The following SPRY3 variants were observed in gnomAD, a reference collection of about 807,000 sequenced individuals.
The protein encoded by SPRY3 is sprouty RTK signaling antagonist 3.
Under a neutral mutation model 20.2 loss-of-function variants are expected in SPRY3, and 15 were observed. The observed-to-expected ratio is 0.74, with a 90% CI of 0.50 to 1.14. SPRY3 has a LOEUF of 1.14. Among genes scored for constraint, SPRY3 ranks in the 50% most tolerant of loss-of-function variants. The pLI, the probability that SPRY3 is intolerant of heterozygous loss-of-function variation, is 0.00. For missense variants in SPRY3, 364 were observed against 363.9 expected (o/e 1.00, Z 0.00); for synonymous variants, 143 against 136.5 (o/e 1.05, Z -0.33).
At chrX:155,638,792 C>T (rs1331234304) in intron 1 of SPRY3, among the ~76,000 whole-genome samples, 1 of 111,361 alleles carries the variant, frequency 9.0e-6, no homozygotes. Flanking sequence ...TTCACCCTAC[C>T]CTATGTTCCA....
intron 3 of SPRY3, among the ~76,000 whole-genome samples, chrX:155,770,266 GCT>G (rs1333593208): frequency 6.6e-6 from 1 of 152,106 alleles, no homozygotes; most frequent in Non-Finnish European, 1.5e-5. Flanking sequence ...GCATAGAAGG[GCT>G]TTAGATAGGA....
chrX:155,752,548 T>C (rs58176487), intron 2 of SPRY3, among the ~76,000 whole-genome samples: 9,104 of 151,664 alleles, frequency 0.06, 827 homozygotes, highest in African/African-American at 0.2. Flanking sequence ...TATTTAAATG[T>C]ATCTATTAAG....
At chrX:155,723,107 T>C (rs777024773) in intron 2 of SPRY3, among the ~76,000 whole-genome samples, 6 of 152,320 alleles carry the variant, frequency 3.9e-5, no homozygotes, top group Non-Finnish European at 7.4e-5. Context: ...GAAAAGGACA[T>C]GAACTCATCC....
chrX:155,685,249 A>C (rs2068084033), intron 2 of SPRY3, among the ~76,000 whole-genome samples: 1 of 111,330 alleles, frequency 9.0e-6, no homozygotes, highest in African/African-American at 3.3e-5. Flanking sequence ...TTATTGTTCC[A>C]CAGGTCTCTG....
chrX:155,629,720 C>A (rs1182978969), intron 1 of SPRY3, among the ~76,000 whole-genome samples: 1 of 111,900 alleles, frequency 8.9e-6, no homozygotes, highest in Non-Finnish European at 1.9e-5. Context: ...GAGGTGGTAT[C>A]TCATTGTGGT....
chrX:155,628,670 C>T (rs1225731689), intron 1 of SPRY3, among the ~76,000 whole-genome samples: 1 of 112,168 alleles, frequency 8.9e-6, no homozygotes, highest in Non-Finnish European at 1.9e-5. Context: ...GGTCAAGAAA[C>T]AACAGATGCT....
exon 4 of SPRY3, chrX:155,775,169 G>T (rs1372738428): frequency 4.7e-6 from 1 of 210,782 alleles, no homozygotes; most frequent in Admixed American, 5.2e-5. Flanking sequence ...GTGGAACAGC[G>T]TTCAACCTTC....
intron 2 of SPRY3, among the ~76,000 whole-genome samples, chrX:155,749,093 T>G (rs2091245065): frequency 6.6e-6 from 1 of 151,914 alleles, no homozygotes; most frequent in African/African-American, 2.4e-5. Context: ...AATACATAAT[T>G]AAATACCTTG....
intron 3 of SPRY3, among the ~76,000 whole-genome samples, chrX:155,768,549 G>C (rs969766515): frequency 2.6e-5 from 4 of 152,178 alleles, no homozygotes; most frequent in Non-Finnish European, 4.4e-5. Flanking sequence ...TGTCAGCATG[G>C]GGCTAGCCTC....
At chrX:155,771,190 T>G (rs1222596608) in intron 3 of SPRY3, among the ~76,000 whole-genome samples, 2 of 152,150 alleles carry the variant, frequency 1.3e-5, no homozygotes, top group African/African-American at 4.8e-5. Context: ...GAATCAATAT[T>G]GAAATACAGC....
intron 2 of SPRY3, among the ~76,000 whole-genome samples, chrX:155,675,094 A>G (rs782814382): frequency 2.8e-4 from 31 of 111,961 alleles, no homozygotes; most frequent in Non-Finnish European, 5.3e-4. Context: ...ATGTTTCAAT[A>G]TAATGTTTGA....
In SPRY3 at chrX:155,620,261, A is replaced by C. The variant is rs781875873; in HGVS notation, c.-441+7614A>C. The stretch of plus-strand genomic sequence containing the variant: ...TAAGATTCTTAGTTAAACACACTTT[A>C]TAAGATTCTTAGTTAAACACACTTT... On this transcript the variant is annotated intron_variant, in intron 1 of 3. Transcript: ENST00000675360. Among the ~76,000 whole-genome samples, 5 of 111,480 alleles carry C rather than the reference A, an allele frequency of 4.5e-5. No homozygotes were observed. In the East Asian group the frequency reaches 1.1e-3, roughly 25 times the overall value.
chrX:155,754,649 A>C (rs1051443810), intron 2 of SPRY3, among the ~76,000 whole-genome samples: 1 of 151,982 alleles, frequency 6.6e-6, no homozygotes, highest in African/African-American at 2.4e-5. Flanking sequence ...GGACTTTGAT[A>C]GGGATTATGT....
At chrX:155,717,442 GGT>G (rs2091030781) in intron 2 of SPRY3, among the ~76,000 whole-genome samples, 1 of 152,008 alleles carries the variant, frequency 6.6e-6, no homozygotes. Context: ...AGAACATGCA[GGT>G]TTGTTACATA....
At chrX:155,714,696 G>A (rs1360340821) in intron 2 of SPRY3, among the ~76,000 whole-genome samples, 2 of 151,918 alleles carry the variant, frequency 1.3e-5, no homozygotes, top group African/African-American at 4.8e-5. Context: ...GGCATGTCTA[G>A]AGATGCTGTT....
chrX:155,627,718 G>A (rs1458435555), intron 1 of SPRY3, among the ~76,000 whole-genome samples: 1 of 109,862 alleles, frequency 9.1e-6, no homozygotes, highest in Non-Finnish European at 1.9e-5. Context: ...TTGTTACATA[G>A]GTAAATGTGT....
intron 2 of SPRY3, chrX:155,767,664 G>GA (rs2091342672): frequency 7.1e-6 from 1 of 141,090 alleles, no homozygotes; most frequent in Non-Finnish European, 1.5e-5. Context: ...AGGAGGAGGA[G>GA]GAGAAGGGGG....
intron 2 of SPRY3, among the ~76,000 whole-genome samples, chrX:155,708,173 A>G (rs1348072166): frequency 6.6e-6 from 1 of 151,282 alleles, no homozygotes; most frequent in Non-Finnish European, 1.5e-5. Context: ...CAGCTCAAAG[A>G]GTTCCTTTCA....
intron 1 of SPRY3, among the ~76,000 whole-genome samples, chrX:155,637,560 C>CT: frequency 9.0e-6 from 1 of 111,185 alleles, no homozygotes; most frequent in East Asian, 2.8e-4. Context: ...GCAGTACCCC[C>CT]TCCCCAGAAG....
Sources: allele counts gnomAD v4.1 joint callset (sites outside exome capture counted in the v4.1 genomes callset), GRCh38; gene constraint gnomAD v4.1.1; transcripts MANE v1.5; gene names NCBI Gene and HGNC (gene_info 2026-07-23, HGNC 2026-07-21).